The following XDH variants were observed in gnomAD, a reference collection of about 807,000 sequenced individuals.
XDH encodes the protein xanthine dehydrogenase/oxidase.
Under a neutral mutation model 156.1 loss-of-function variants are expected in XDH, and 138 were observed. That is an observed-to-expected ratio of 0.88 (90% CI 0.77 to 1.02). The LOEUF is 1.02. Ranked by LOEUF, XDH falls within the 50% of genes least tolerant of loss-of-function variation. XDH has a pLI of 0.00. For synonymous variants in XDH, 669 were observed against 625.7 expected, an observed-to-expected ratio of 1.07 and a Z score of -1.03; for missense variants, 1,849 against 1,684.9, an observed-to-expected ratio of 1.10 and a Z score of -1.71.
At chr2:31,364,094 G>T in intron 24 of XDH, 64 bp downstream of exon 24, 1 of 1,528,016 alleles carries the variant, frequency 6.5e-7, no homozygotes, top group Non-Finnish European at 9.1e-7. Context: ...GCCTGTGCCT[G>T]CGTGGGAACA....
chr2:31,355,397 T>G (rs1043302003), intron 24 of XDH, among the ~76,000 whole-genome samples: 1 of 152,142 alleles, frequency 6.6e-6, no homozygotes, highest in African/African-American at 2.4e-5. Flanking sequence ...TCTCAGTTTT[T>G]AAAATTGTCT....
chr2:31,355,859 C>T (rs920675026), intron 24 of XDH, among the ~76,000 whole-genome samples: 1 of 152,124 alleles, frequency 6.6e-6, no homozygotes, highest in Non-Finnish European at 1.5e-5. Flanking sequence ...GACCCAATTA[C>T]ATACTGTCTT....
intron 12 of XDH, 78 bp downstream of exon 12, chr2:31,381,555 T>C (rs1320212545): frequency 6.9e-7 from 1 of 1,443,862 alleles, no homozygotes; most frequent in Non-Finnish European, 9.7e-7. Flanking sequence ...GAGCTCTGTT[T>C]CTCCAGAAAA....
At chr2:31,363,163 T>C (rs1183248049) in intron 24 of XDH, among the ~76,000 whole-genome samples, 2 of 151,998 alleles carry the variant, frequency 1.3e-5, no homozygotes, top group Non-Finnish European at 2.9e-5. Flanking sequence ...AATACAAAAA[T>C]TAGCCAGGCA....
At chr2:31,386,765 C>T (rs576843394) in intron 8 of XDH, among the ~76,000 whole-genome samples, 1 of 152,178 alleles carries the variant, frequency 6.6e-6, no homozygotes, top group South Asian at 2.1e-4. Flanking sequence ...CATTATGAGC[C>T]TCATTTTCAC....
intron 18 of XDH, 36 bp downstream of exon 18, chr2:31,370,319 T>C: frequency 6.2e-7 from 1 of 1,610,706 alleles, no homozygotes; most frequent in Non-Finnish European, 8.5e-7. Context: ...TCAATACTTA[T>C]TCAATTTACT....
chr2:31,407,453 T>C (rs1687224478), intron 1 of XDH, among the ~76,000 whole-genome samples: 1 of 152,252 alleles, frequency 6.6e-6, no homozygotes, highest in African/African-American at 2.4e-5. Flanking sequence ...GGATAGAGCA[T>C]TCAATAAAGA....
intron 24 of XDH, 127 bp from the exon 25 acceptor site, chr2:31,350,350 A>G: frequency 1.8e-6 from 1 of 563,788 alleles, no homozygotes; most frequent in Non-Finnish European, 3.2e-6. Context: ...TTTCTCCCCC[A>G]GGATATTGCA....
At chr2:31,359,409 T>G (rs1418353780) in intron 24 of XDH, among the ~76,000 whole-genome samples, 1 of 152,076 alleles carries the variant, frequency 6.6e-6, no homozygotes, top group African/African-American at 2.4e-5. Context: ...CTTGGCCCTT[T>G]TAGTACAGGC....
At chr2:31,374,928 A>G (rs940626218) in intron 15 of XDH, among the ~76,000 whole-genome samples, 3 of 151,792 alleles carry the variant, frequency 2.0e-5, no homozygotes. Context: ...TGGCTATTGC[A>G]GCCCCACCTG....
chr2:31,355,598 A>C (rs1685602110), intron 24 of XDH, among the ~76,000 whole-genome samples: 1 of 152,134 alleles, frequency 6.6e-6, no homozygotes, highest in Non-Finnish European at 1.5e-5. Flanking sequence ...ATATAACATA[A>C]TACCTTGAAC....
At chr2:31,366,431 A>G (rs535197575) in intron 21 of XDH, among the ~76,000 whole-genome samples, 23 of 152,352 alleles carry the variant, frequency 1.5e-4, no homozygotes, top group Non-Finnish European at 2.9e-4. Context: ...GTCACATTAC[A>G]GGCAGTAGAG....
chr2:31,401,068 G>A (rs1572567551), intron 4 of XDH, 152 bp downstream of exon 4: 4 of 814,632 alleles, frequency 4.9e-6, no homozygotes, highest in African/African-American at 3.4e-5. Flanking sequence ...GTACCCAGAG[G>A]AGATGGGGAG....
Position 31,367,003 on chromosome 2 carries a change from G to GCAGTGAGATCCCTCA in XDH, c.2198-24_2198-10dup. On this transcript the variant is annotated splice_polypyrimidine_tract_variant and intron_variant, in intron 20 of 35. Coordinates refer to ENST00000379416, the MANE Select transcript of XDH (RefSeq NM_000379.4). ...ACCGATGTATATCTCCCCTGGGGAAGCAGTGAGATCCCTCACAGTGAGCCC... is the reference window on the plus strand; with the variant it reads ...ACCGATGTATATCTCCCCTGGGGAAGCAGTGAGATCCCTCACAGTGAGATCCCTCACAGTGAGCCC... The GCAGTGAGATCCCTCA allele has an allele frequency of 6.2e-7, 1 of 1,614,162 alleles. No individual in the cohort carries two copies. The highest frequency in any genetic ancestry group is 8.5e-7 in the Non-Finnish European group (1 of 1,179,986).
intron 35 of XDH, among the ~76,000 whole-genome samples, chr2:31,336,548 G>T (rs1684974615): frequency 6.6e-6 from 1 of 151,904 alleles, no homozygotes; most frequent in Non-Finnish European, 1.5e-5. Context: ...TAGTGGGAAG[G>T]TTCTGGGCTG....
intron 6 of XDH, among the ~76,000 whole-genome samples, chr2:31,396,491 G>A (rs1372853340): frequency 1.3e-5 from 2 of 152,174 alleles, no homozygotes. Context: ...TAACAGAAAT[G>A]TGCCAGGCAT....
intron 27 of XDH, 46 bp downstream of exon 27, chr2:31,348,853 G>C: frequency 6.5e-7 from 1 of 1,542,804 alleles, no homozygotes; most frequent in Non-Finnish European, 9.0e-7. Context: ...CAGGGAAATG[G>C]GGTCCCAGTC....
At position 31,400,500 on chromosome 2, in the gene XDH, T is replaced by C. The variant is rs45490691; in HGVS notation, c.306+720A>G. 3.8e-4 allele frequency among the ~76,000 whole-genome samples: 58 copies of C among 152,260 alleles called. No individual in the cohort carries two copies. In the East Asian group the frequency reaches 0.01, roughly 27 times the overall value. ...CCCAAGTTTCCTCAAACAAAATGCT[T>C]TGGGGACAATGGCCGTTCCTTCCAA... is the stretch of plus-strand genomic sequence containing the variant. On this transcript the variant is annotated intron_variant, in intron 4 of 35. Transcript: ENST00000379416.
chr2:31,339,617 G>C lies in XDH; in HGVS notation c.3646C>G (p.Pro1216Ala). Residue 1216 changes from proline (P) to alanine (A), a missense_variant, in exon 34 of 36, where the codon CCC becomes GCC. Pro to Ala is a conservative substitution (Grantham distance 27). Coordinates refer to ENST00000379416, the MANE Select transcript of XDH (RefSeq NM_000379.4). ...LFTLEELHYSPEGSLHTRGPS... is the reference protein window; with the variant it reads ...LFTLEELHYSAEGSLHTRGPS... ...CCACGGGTGTGCAGGCTCCCCTCGG[G>C]GGAATAGTGTAGCTCCTCTAGGGTG... The C allele has an allele frequency of 1.2e-6, 2 of 1,614,104 alleles. No homozygotes were observed. Among genetic ancestry groups the C allele is most frequent in the East Asian group, 2.2e-5 (1 of 44,866 alleles).
Sources: allele counts gnomAD v4.1 joint callset (sites outside exome capture counted in the v4.1 genomes callset), GRCh38; gene constraint gnomAD v4.1.1; transcripts MANE v1.5; gene names NCBI Gene and HGNC (gene_info 2026-07-23, HGNC 2026-07-21).